The following AKR1E2 variants were observed in gnomAD, a reference collection of about 807,000 sequenced individuals.
AKR1E2 encodes 1,5-anhydro-D-fructose reductase.
In AKR1E2, 43 loss-of-function variants were observed where a neutral mutation model predicts 41.9. The observed-to-expected ratio is 1.03, with a 90% CI of 0.80 to 1.32. The LOEUF (loss-of-function observed/expected upper bound fraction) is 1.32, where lower values mean the gene tolerates loss of function less well. Ranked by LOEUF, AKR1E2 falls within the 40% of genes most tolerant of loss-of-function variation. The pLI is 0.00. For synonymous variants in AKR1E2, 121 were observed against 138.9 expected (o/e 0.87, Z 0.91); for missense variants, 423 against 396.5 (o/e 1.07, Z -0.57).
intron 4 of AKR1E2, 82 bp from the exon 5 acceptor site, chr10:4,837,377 T>C: frequency 6.6e-7 from 1 of 1,517,148 alleles, no homozygotes; most frequent in Admixed American, 1.9e-5. Context: ...AGTTTTAGAA[T>C]ACCATACAGA....
At chr10:4,841,414 G>A (rs775015125) in intron 6 of AKR1E2, among the ~76,000 whole-genome samples, 1 of 152,108 alleles carries the variant, frequency 6.6e-6, no homozygotes, top group Non-Finnish European at 1.5e-5. Flanking sequence ...AACAAATATC[G>A]ATTCGCTGTG....
intron 8 of AKR1E2, among the ~76,000 whole-genome samples, chr10:4,843,644 A>G (rs1237733660): frequency 6.6e-6 from 1 of 152,200 alleles, no homozygotes; most frequent in African/African-American, 2.4e-5. Context: ...CATCTGTAAC[A>G]GTGCCTGTGC....
At chr10:4,856,565 A>G in the AKR1E2 span, among the ~76,000 whole-genome samples, 2 of 152,218 alleles carry the variant, frequency 1.3e-5, no homozygotes, top group Non-Finnish European at 2.9e-5. Flanking sequence ...CAGTTGACTT[A>G]TTTGGTATAA....
At chr10:4,870,728 C>G in the AKR1E2 span, among the ~76,000 whole-genome samples, 1 of 151,316 alleles carries the variant, frequency 6.6e-6, no homozygotes, top group African/African-American at 2.4e-5. Context: ...AGTTTTCATG[C>G]ATTTAATTAT....
the AKR1E2 span, among the ~76,000 whole-genome samples, chr10:4,855,490 G>A: frequency 2.6e-5 from 4 of 152,136 alleles, no homozygotes; most frequent in East Asian, 7.7e-4. Flanking sequence ...GTGTCCTTGC[G>A]AGCTTGACCT....
chr10:4,834,028 C>T (rs570350421), intron 3 of AKR1E2, among the ~76,000 whole-genome samples: 89 of 152,344 alleles, frequency 5.8e-4, no homozygotes, highest in African/African-American at 2.0e-3. Flanking sequence ...CCAGTCTGGC[C>T]GTGCAACTTC....
At chr10:4,838,412 A>C (rs1375052404) in intron 5 of AKR1E2, among the ~76,000 whole-genome samples, 2 of 152,222 alleles carry the variant, frequency 1.3e-5, no homozygotes, top group East Asian at 3.8e-4. Flanking sequence ...TGTTTTGTGA[A>C]TTAACCACAA....
the AKR1E2 span, among the ~76,000 whole-genome samples, chr10:4,864,042 A>G: frequency 3.8e-4 from 58 of 152,314 alleles, no homozygotes; most frequent in South Asian, 0.012. Context: ...ACAAGGAGGA[A>G]CTGGTACCAT....
downstream of AKR1E2, among the ~76,000 whole-genome samples, chr10:4,848,581 C>T (rs1265713670): frequency 6.6e-6 from 1 of 152,238 alleles, no homozygotes; most frequent in Non-Finnish European, 1.5e-5. Flanking sequence ...TTGATGTCTA[C>T]TCCATGGTCT....
chr10:4,841,274 C>T (rs564503271), intron 6 of AKR1E2, among the ~76,000 whole-genome samples: 11 of 152,296 alleles, frequency 7.2e-5, no homozygotes, highest in African/African-American at 1.7e-4. Context: ...TCAGGGCCCA[C>T]CCGTGCCTGA....
At chr10:4,846,885 A>T (rs1338989766) in intron 8 of AKR1E2, among the ~76,000 whole-genome samples, 1 of 152,166 alleles carries the variant, frequency 6.6e-6, no homozygotes, top group Non-Finnish European at 1.5e-5. Flanking sequence ...TTATTCCACT[A>T]AGATGAGTGC....
At chr10:4,827,264 A>G (rs1439329213) in intron 1 of AKR1E2, among the ~76,000 whole-genome samples, 1 of 152,154 alleles carries the variant, frequency 6.6e-6, no homozygotes, top group Non-Finnish European at 1.5e-5. Flanking sequence ...CAATGTGGTT[A>G]AATCAAGCTA....
intron 8 of AKR1E2, among the ~76,000 whole-genome samples, chr10:4,844,655 C>G (rs181816432): frequency 7.9e-5 from 12 of 152,324 alleles, no homozygotes; most frequent in Admixed American, 7.8e-4. Flanking sequence ...CACAAAGGTT[C>G]TCCAAGTCCC....
chr10:4,839,119 A>C (rs910687031), intron 5 of AKR1E2, among the ~76,000 whole-genome samples: 33 of 152,242 alleles, frequency 2.2e-4, no homozygotes, highest in Non-Finnish European at 4.3e-4. Flanking sequence ...GAGAATGTGC[A>C]AGAGACAGAG....
chr10:4,872,962 A>C, the AKR1E2 span, among the ~76,000 whole-genome samples: 136,404 of 152,134 alleles, frequency 0.9, 61,988 homozygotes, highest in East Asian at 0.98. Context: ...GGGGAAAGAG[A>C]TTTCTAGGCA....
chr10:4,870,268 C>A, the AKR1E2 span, among the ~76,000 whole-genome samples: 35 of 152,156 alleles, frequency 2.3e-4, no homozygotes, highest in African/African-American at 8.4e-4. Context: ...CTACCACATC[C>A]ATTTAAAACC....
chr10:4,836,295 G>C (rs1277329930), intron 4 of AKR1E2, among the ~76,000 whole-genome samples: 3 of 152,102 alleles, frequency 2.0e-5, no homozygotes, highest in African/African-American at 7.2e-5. Flanking sequence ...CCAAGTGTCA[G>C]CCCATTTCCA....
At chr10:4,872,926 TAAAGG>T in the AKR1E2 span, among the ~76,000 whole-genome samples, 2 of 152,084 alleles carry the variant, frequency 1.3e-5, no homozygotes, top group African/African-American at 4.8e-5. Context: ...CTGAAGGATG[TAAAGG>T]AGTGAGCAAT....
downstream of AKR1E2, among the ~76,000 whole-genome samples, chr10:4,849,709 G>T (rs1206601104): frequency 6.6e-6 from 1 of 152,230 alleles, no homozygotes; most frequent in African/African-American, 2.4e-5. Context: ...AGTAGCGTGA[G>T]TTGGTTAACA....
Sources: gnomAD v4.1 joint callset for allele counts (sites outside exome capture counted in the v4.1 genomes callset) on GRCh38, gnomAD v4.1.1 for gene constraint, MANE v1.5 for transcripts, NCBI Gene and HGNC (gene_info 2026-07-23, HGNC 2026-07-21) for gene names.